DSCAM: variants seen among roughly 807,000 people sequenced by gnomAD.
DSCAM encodes cell adhesion molecule DSCAM.
DSCAM carries 47 observed loss-of-function variants against 217.7 expected under a neutral mutation model. The ratio of observed to expected loss-of-function variants is 0.22; its 90% CI spans 0.17 to 0.28. DSCAM has a LOEUF of 0.28. DSCAM is among the 10% of genes least tolerant of loss of function. The probability of loss-of-function intolerance (pLI) is 1.00; values close to 1 mark genes in which losing one functional copy is unlikely to be tolerated. For synonymous variants in DSCAM, 1,056 were observed against 1,015.3 expected, an observed-to-expected ratio of 1.04 and a Z score of -0.76; for missense variants, 2,080 against 2,618.3, an observed-to-expected ratio of 0.79 and a Z score of 4.49.
At chr21:40,093,586 C>T in intron 21 of DSCAM, 135 bp downstream of exon 21, 1 of 1,095,814 alleles carries the variant, frequency 9.1e-7, no homozygotes, top group South Asian at 1.5e-5. Flanking sequence ...AGCCACAACC[C>T]TGTTTCTTGA....
intron 10 of DSCAM, among the ~76,000 whole-genome samples, chr21:40,286,684 GGTGATCCTCAGT>G (rs1463596402): frequency 3.3e-5 from 5 of 149,508 alleles, no homozygotes; most frequent in African/African-American, 9.8e-5. Context: ...GTGATCCACA[GGTGATCCTCAGT>G]GTGATCTGCA....
At chr21:40,259,725 G>A (rs1394802259) in intron 11 of DSCAM, among the ~76,000 whole-genome samples, 1 of 132,952 alleles carries the variant, frequency 7.5e-6, no homozygotes, top group Non-Finnish European at 1.5e-5. Flanking sequence ...CCAGGCTGGA[G>A]TGCAGTGGCG....
intron 15 of DSCAM, among the ~76,000 whole-genome samples, chr21:40,175,784 C>CACAT (rs1026705260): frequency 1.0e-5 from 1 of 97,058 alleles, no homozygotes; most frequent in Non-Finnish European, 2.1e-5. Context: ...CACACATACA[C>CACAT]ACACACACAC....
Position 40,692,828 on chromosome 21 carries a change from T to A in DSCAM, c.490A>T (p.Thr164Ser). 6.2e-7 allele frequency: 1 copy of A among 1,613,026 alleles called. No homozygotes were observed. The highest frequency in any genetic ancestry group is 1.3e-5 in the African/African-American group (1 of 75,018). ...AGCCTACCTGAGACAAGTGAAACAG[T>A]GTCTTTCTCCCATGAGACGACAGTG... ...YITVVSWEKD[T>S]VSLVSGSRFL... Residue 164 changes from threonine (T) to serine (S), a missense_variant, in exon 3 of 33, where the codon ACT becomes TCT. Physicochemically the swap from Thr to Ser is moderately conservative, Grantham distance 58. Transcript: ENST00000400454.
At chr21:40,418,853 G>GA (rs1019073405) in intron 3 of DSCAM, among the ~76,000 whole-genome samples, 6 of 151,124 alleles carry the variant, frequency 4.0e-5, no homozygotes, top group East Asian at 1.9e-4. Context: ...AAAATTTAGA[G>GA]AAAAAAAACC....
In DSCAM at chr21:40,301,612, A is replaced by ATCTGGTACCACAGCCTTTATTACCCTCG. The variant is rs1555901196; in HGVS notation, c.2063-5439_2063-5438insCGAGGGTAATAAAGGCTGTGGTACCAGA. Among the ~76,000 whole-genome samples the ATCTGGTACCACAGCCTTTATTACCCTCG allele has an allele frequency of 3.4e-5, 4 of 117,312 alleles. 1 individual carries two copies. Among genetic ancestry groups the ATCTGGTACCACAGCCTTTATTACCCTCG allele is most frequent in the African/African-American group, 1.5e-4 (3 of 19,850 alleles). 77.0% of individuals were successfully genotyped at this position (117,312 alleles called of 152,430 possible). On this transcript the variant is annotated intron_variant, in intron 9 of 32. Transcript: ENST00000400454. The stretch of plus-strand genomic sequence containing the variant: ...ACTTACCATAGCCTTTATTACGCTC[A>ATCTGGTACCACAGCCTTTATTACCCTCG]TCTGGTATTGCTGTTTAACAGTCTG...
At chr21:40,042,874 C>G (rs560026595) in intron 31 of DSCAM, among the ~76,000 whole-genome samples, 2 of 152,334 alleles carry the variant, frequency 1.3e-5, no homozygotes, top group East Asian at 3.9e-4. Context: ...TTAAGGGAAG[C>G]TTTGTTGCAA....
rs540403726 is a variant in DSCAM at position 40,418,474 on chromosome 21, C to T, written c.509-49229G>A. On this transcript the variant is annotated intron_variant, in intron 3 of 32. Coordinates refer to ENST00000400454, the MANE Select transcript of DSCAM (RefSeq NM_001389.5). ...GGAACGGGAGAATTTTGTAATATTCCAAGGAGGGTGTTTAGGTTATGTGAG... is the reference window on the plus strand; with the variant it reads ...GGAACGGGAGAATTTTGTAATATTCTAAGGAGGGTGTTTAGGTTATGTGAG... 1.3e-4 allele frequency among the ~76,000 whole-genome samples: 20 copies of T among 152,024 alleles called. 1 individual carries two copies. In the South Asian group the frequency reaches 3.9e-3, roughly 30 times the overall value.
At chr21:40,413,737 T>C (rs1227011303) in intron 3 of DSCAM, among the ~76,000 whole-genome samples, 1 of 152,226 alleles carries the variant, frequency 6.6e-6, no homozygotes, top group East Asian at 1.9e-4. Context: ...CAAGACAGTA[T>C]ATTATTCACA....
At chr21:40,337,901 G>GA (rs1449326561) in intron 8 of DSCAM, among the ~76,000 whole-genome samples, 200 bp downstream of exon 8, 3 of 152,188 alleles carry the variant, frequency 2.0e-5, no homozygotes, top group Non-Finnish European at 2.9e-5. Flanking sequence ...CACCTGGAGA[G>GA]AAAATCAGAT....
intron 3 of DSCAM, among the ~76,000 whole-genome samples, chr21:40,413,273 C>A (rs1238215073): frequency 6.6e-6 from 1 of 152,158 alleles, no homozygotes; most frequent in Non-Finnish European, 1.5e-5. Context: ...CCTCCAGACC[C>A]CAGAAAGGTA....
At chr21:40,489,494 G>A (rs558991401) in intron 3 of DSCAM, among the ~76,000 whole-genome samples, 1 of 152,208 alleles carries the variant, frequency 6.6e-6, no homozygotes, top group Non-Finnish European at 1.5e-5. Flanking sequence ...ATAAATAAGG[G>A]CCGGGCGCGG....
intron 11 of DSCAM, among the ~76,000 whole-genome samples, chr21:40,193,205 T>C (rs2090970380): frequency 1.3e-5 from 2 of 152,126 alleles, no homozygotes; most frequent in South Asian, 2.1e-4. Context: ...GGTGCACCTA[T>C]AAAAAGGTGA....
At chr21:40,352,670 T>C (rs1351339217) in intron 5 of DSCAM, among the ~76,000 whole-genome samples, 1 of 152,150 alleles carries the variant, frequency 6.6e-6, no homozygotes, top group African/African-American at 2.4e-5. Context: ...TAAAAATATA[T>C]TTTCAAAAAA....
chr21:40,741,975 T>C (rs1445883571), intron 1 of DSCAM, among the ~76,000 whole-genome samples: 3 of 152,150 alleles, frequency 2.0e-5, no homozygotes, highest in Non-Finnish European at 4.4e-5. Context: ...CACACATTTC[T>C]AGAGTTTTTA....
In DSCAM at chr21:40,846,633, TG is replaced by T; in HGVS notation, c.28del (p.Gln10ArgfsTer25). On this transcript the variant is annotated frameshift_variant, in exon 1 of 33. Coordinates refer to ENST00000400454, the MANE Select transcript of DSCAM (RefSeq NM_001389.5). LOFTEE classifies it high-confidence loss of function. ...GAAAGGCTCACCATTCGCGAAGCTC[TG>T]GAACAAGGAGAGAGCCAGTATCCAC... MWILALSLF[Q>X]SFANVFSEDL... 7.9e-7 allele frequency: 1 copy of T among 1,273,306 alleles called. No individual in the cohort carries two copies. The highest frequency in any genetic ancestry group is 1.0e-6 in the Non-Finnish European group (1 of 1,004,532). 78.9% of individuals were successfully genotyped at this position (1,273,306 alleles called of 1,614,324 possible).
At chr21:40,377,668 A>G (rs1053708175) in intron 3 of DSCAM, among the ~76,000 whole-genome samples, 2 of 151,962 alleles carry the variant, frequency 1.3e-5, no homozygotes, top group Non-Finnish European at 2.9e-5. Context: ...GAAGCCCTTC[A>G]TGAGAACTGA....
intron 3 of DSCAM, among the ~76,000 whole-genome samples, chr21:40,402,429 T>A (rs1015308619): frequency 1.3e-5 from 2 of 151,802 alleles, no homozygotes; most frequent in Middle Eastern, 3.2e-3. Flanking sequence ...AAGCTAAGAG[T>A]TTTTACCTCT....
intron 21 of DSCAM, among the ~76,000 whole-genome samples, chr21:40,092,950 G>A (rs2089629963): frequency 6.6e-6 from 1 of 152,062 alleles, no homozygotes; most frequent in Non-Finnish European, 1.5e-5. Flanking sequence ...AATTCTTGGA[G>A]GTAAAATTGG....
Sources: allele counts gnomAD v4.1 joint callset (sites outside exome capture counted in the v4.1 genomes callset), GRCh38; gene constraint gnomAD v4.1.1; transcripts MANE v1.5; gene names NCBI Gene and HGNC (gene_info 2026-07-23, HGNC 2026-07-21).